ACACA: variants seen among roughly 807,000 people sequenced by gnomAD.
ACACA encodes the protein acetyl-CoA carboxylase alpha, also known as acetyl-CoA carboxylase 1.
In ACACA, 103 loss-of-function variants were observed where a neutral mutation model predicts 296.1. The ratio of observed to expected loss-of-function variants is 0.35; its 90% CI spans 0.30 to 0.41. The LOEUF is 0.41. ACACA is among the 10% of genes least tolerant of loss of function. The pLI is 1.00. For missense variants in ACACA, 1,554 were observed against 2,989.7 expected, an observed-to-expected ratio of 0.52 and a Z score of 11.20; for synonymous variants, 953 against 1,038.6, an observed-to-expected ratio of 0.92 and a Z score of 1.58.
rs1363924166 is a variant in ACACA, at chr17:37,191,381, T to C, written c.4417-106A>G. ...CAGTATATCATGAATCATAAGGCAC[T>C]TGGTGAAGAGATTGTTTATCTTTCT... is the stretch of plus-strand genomic sequence containing the variant. On this transcript the variant is annotated intron_variant, in intron 37 of 55. Transcript: ENST00000616317. 4.4e-6 allele frequency: 5 copies of C among 1,131,852 alleles called. No individual in the cohort carries two copies. In the African/African-American group the frequency reaches 7.7e-5, roughly 17 times the overall value. The allele number at this position is 1,131,852 out of a possible 1,614,324, so 70.1% of individuals were successfully genotyped here. A position where few individuals can be genotyped will look rare whatever the true frequency, so the allele number is the denominator to read the frequency against.
chr17:37,288,483 G>C (rs558536465), intron 3 of ACACA, among the ~76,000 whole-genome samples: 1 of 152,264 alleles, frequency 6.6e-6, no homozygotes, highest in Admixed American at 6.5e-5. Flanking sequence ...CAGTGGGCTG[G>C]GGCTGTGGGA....
intron 54 of ACACA, among the ~76,000 whole-genome samples, chr17:37,090,275 T>C (rs1009357193): frequency 2.6e-5 from 4 of 152,220 alleles, no homozygotes; most frequent in African/African-American, 7.2e-5. Context: ...CTTTTCAGAC[T>C]GTCACTTCCT....
At chr17:37,296,731 G>C (rs2083352183) in intron 3 of ACACA, among the ~76,000 whole-genome samples, 2 of 151,750 alleles carry the variant, frequency 1.3e-5, no homozygotes. Flanking sequence ...TTTTGTGTGT[G>C]TGTGAGGCAG....
At chr17:37,176,420 C>T (rs2077118958) in intron 41 of ACACA, among the ~76,000 whole-genome samples, 1 of 152,084 alleles carries the variant, frequency 6.6e-6, no homozygotes, top group Admixed American at 6.5e-5. Context: ...ATTTTTTATT[C>T]TTTTGTAATA....
chr17:37,241,938 G>A lies in ACACA; in HGVS notation c.3032+15C>T. ...GTATGGACAGGTCTGGGAATCTGGA[G>A]TTACAAGTTACTACCTCTGTACCAG... On this transcript the variant is annotated intron_variant, in intron 23 of 55. Transcript: ENST00000616317. 6.2e-7 allele frequency: 1 copy of A among 1,602,682 alleles called. No homozygotes were observed. The highest frequency in any genetic ancestry group is 8.5e-7 in the Non-Finnish European group (1 of 1,169,672).
At chr17:37,149,440 CAG>C (rs1344460362) in intron 45 of ACACA, among the ~76,000 whole-genome samples, 1 of 152,206 alleles carries the variant, frequency 6.6e-6, no homozygotes, top group African/African-American at 2.4e-5. Context: ...CAGCTGGAAT[CAG>C]AGACAGCTCA....
At chr17:37,123,206 T>C (rs1424055985) in intron 48 of ACACA, among the ~76,000 whole-genome samples, 3 of 152,270 alleles carry the variant, frequency 2.0e-5, no homozygotes, top group Admixed American at 6.5e-5. Context: ...GAGAAACACA[T>C]GCCAAGAATA....
intron 41 of ACACA, among the ~76,000 whole-genome samples, chr17:37,175,621 T>C (rs950157407): frequency 1.1e-4 from 17 of 152,228 alleles, no homozygotes; most frequent in Admixed American, 3.3e-4. Context: ...TAGTCTATGC[T>C]GCAATCACAT....
At chr17:37,338,973 G>GAGGGAGGGAAA (rs1555651382) in intron 2 of ACACA, among the ~76,000 whole-genome samples, 1 of 148,170 alleles carries the variant, frequency 6.7e-6, no homozygotes, top group Admixed American at 6.8e-5. Flanking sequence ...AAAAGGCAGA[G>GAGGGAGGGAAA]AGGGAGGGAA....
intron 1 of ACACA, among the ~76,000 whole-genome samples, chr17:37,366,061 A>G (rs2049591484): frequency 6.6e-6 from 1 of 152,108 alleles, no homozygotes; most frequent in Admixed American, 6.6e-5. Context: ...ACTTGTTTGG[A>G]TTTTGCCCAG....
At chr17:37,124,361 A>G (rs1034043249) in intron 48 of ACACA, among the ~76,000 whole-genome samples, 12 of 152,270 alleles carry the variant, frequency 7.9e-5, no homozygotes, top group African/African-American at 2.9e-4. Flanking sequence ...TCTTCTAATC[A>G]TAAGTGTAAA....
chr17:37,207,932 T>C, intron 30 of ACACA, 132 bp from the exon 31 acceptor site: 1 of 977,834 alleles, frequency 1.0e-6, no homozygotes, highest in Non-Finnish European at 1.6e-6. Flanking sequence ...TTGGTTTTTT[T>C]ACCCACTATG....
chr17:37,101,935 AT>A (rs2073382500), intron 52 of ACACA, among the ~76,000 whole-genome samples: 2 of 151,358 alleles, frequency 1.3e-5, no homozygotes, highest in African/African-American at 4.9e-5. Flanking sequence ...TTTATTGAGC[AT>A]TTACCACTCA....
intron 1 of ACACA, among the ~76,000 whole-genome samples, chr17:37,366,287 C>G (rs1277966883): frequency 6.6e-6 from 1 of 152,102 alleles, no homozygotes; most frequent in Non-Finnish European, 1.5e-5. Context: ...TACCTTCACT[C>G]TCTATTGTTG....
chr17:37,304,972 A>ACATAT (rs2083803516), intron 3 of ACACA, among the ~76,000 whole-genome samples: 1 of 152,140 alleles, frequency 6.6e-6, no homozygotes, highest in African/African-American at 2.4e-5. Flanking sequence ...GTTTTTAAAA[A>ACATAT]TTATTTAAAC....
At chr17:37,403,275 A>T (rs1384878724) in intron 1 of ACACA, among the ~76,000 whole-genome samples, 2 of 152,084 alleles carry the variant, frequency 1.3e-5, no homozygotes, top group African/African-American at 4.8e-5. Flanking sequence ...TGCCACTATC[A>T]CATCCACTTA....
chr17:37,248,649 G>A lies in ACACA; in HGVS notation c.2107C>T (p.Leu703Phe). Residue 703 changes from leucine to phenylalanine, a missense_variant, in exon 17 of 56, where the codon CTT (leucine) becomes TTT (phenylalanine). Physicochemically the swap from Leu to Phe is conservative, Grantham distance 22. Transcript: ENST00000616317. ...AGTTCAACATCTACTGTATTCAGAAGTGTATGAGCAGGAAGGACTTGACCC... is the reference window on the plus strand; with the variant it reads ...AGTTCAACATCTACTGTATTCAGAAATGTATGAGCAGGAAGGACTTGACCC... ...ERGQVLPAHT[L>F]LNTVDVELIY... 3 of 1,611,338 alleles carry A rather than the reference G, an allele frequency of 1.9e-6. No homozygotes were observed. The highest frequency in any genetic ancestry group is 2.5e-6 in the Non-Finnish European group (3 of 1,178,024).
chr17:37,406,192 A>G (rs904499332), intron 1 of ACACA, 70 bp downstream of exon 1: 19 of 1,558,826 alleles, frequency 1.2e-5, no homozygotes, highest in Non-Finnish European at 1.4e-5. Context: ...CTGGCATGCA[A>G]TAAGTACTCG....
rs1240110277 is a variant in ACACA at position 37,113,982 on chromosome 17, GAAC to G, written c.6275-720_6275-718del. Among the ~76,000 whole-genome samples the G allele has an allele frequency of 6.6e-6, 1 of 152,136 alleles. No homozygotes were observed. Among genetic ancestry groups the G allele is most frequent in the African/African-American group, 2.4e-5 (1 of 41,430 alleles). On this transcript the variant is annotated intron_variant, in intron 50 of 55. Coordinates refer to ENST00000616317, the MANE Select transcript of ACACA (RefSeq NM_198834.3). This position sits in a 1 kb window ranked among gnomAD's most constrained non-coding sequence, Gnocchi z 4.0. ...GAAATACCACACAGCCACATGAGAAGAACAGACCCAACCAGGGCAGCATAGTGA... is the reference window on the plus strand; with the variant it reads ...GAAATACCACACAGCCACATGAGAAGAGACCCAACCAGGGCAGCATAGTGA...
Sources: gnomAD v4.1 joint callset for allele counts (sites outside exome capture counted in the v4.1 genomes callset) on GRCh38, gnomAD v4.1.1 for gene constraint, Gnocchi (gnomAD v3.1) non-coding constraint, MANE v1.5 for transcripts, NCBI Gene and HGNC (gene_info 2026-07-23, HGNC 2026-07-21) for gene names.